GBE1: variants seen among roughly 807,000 people sequenced by gnomAD.
GBE1 encodes the protein 1,4-alpha-glucan branching enzyme 1.
Under a neutral mutation model 88.8 loss-of-function variants are expected in GBE1, and 70 were observed. That is an observed-to-expected ratio of 0.79 (90% CI 0.65 to 0.96). The LOEUF (loss-of-function observed/expected upper bound fraction) is 0.96, where lower values mean the gene tolerates loss of function less well. Among genes scored for constraint, GBE1 ranks in the 40% least tolerant of loss-of-function variants. The pLI is 0.00. For synonymous variants in GBE1, 284 were observed against 300.1 expected, an observed-to-expected ratio of 0.95 and a Z score of 0.56; for missense variants, 872 against 871.0, an observed-to-expected ratio of 1.00 and a Z score of -0.01.
chr3:81,519,280 A>G (rs1702841132), intron 14 of GBE1, among the ~76,000 whole-genome samples: 1 of 151,580 alleles, frequency 6.6e-6, no homozygotes, highest in South Asian at 2.1e-4. Context: ...GGTTTAATGA[A>G]AATATTTCAA....
chr3:81,612,219 TTAAAAA>T, intron 7 of GBE1: 1 of 280,404 alleles, frequency 3.6e-6, no homozygotes, highest in African/African-American at 6.7e-5. Context: ...CCACGCTCCT[TTAAAAA>T]AAAAAAAAAA....
intron 7 of GBE1, among the ~76,000 whole-genome samples, chr3:81,603,008 C>T (rs1244418005): frequency 6.6e-6 from 1 of 152,058 alleles, no homozygotes; most frequent in Non-Finnish European, 1.5e-5. Context: ...CTGGAGAATG[C>T]ATTCCTTTCC....
intron 7 of GBE1, among the ~76,000 whole-genome samples, chr3:81,640,952 A>T (rs1704669515): frequency 6.6e-6 from 1 of 152,148 alleles, no homozygotes; most frequent in Non-Finnish European, 1.5e-5. Context: ...GTATTAAATA[A>T]CAATGTTAAG....
intron 1 of GBE1, among the ~76,000 whole-genome samples, chr3:81,750,270 G>T (rs1347071831): frequency 1.3e-5 from 2 of 151,682 alleles, no homozygotes; most frequent in African/African-American, 4.8e-5. Context: ...CACATCTTAA[G>T]CTTTAAAAAG....
intron 7 of GBE1, among the ~76,000 whole-genome samples, chr3:81,606,049 CTATGGTAAAATAAAAACAAAT>C (rs1704098115): frequency 6.6e-6 from 1 of 152,022 alleles, no homozygotes; most frequent in South Asian, 2.1e-4. Flanking sequence ...CACAGATATT[CTATGGTAAAATAAAAACAAAT>C]ATATTCTGGA....
At chr3:81,538,889 C>T (rs749010718) in intron 12 of GBE1, among the ~76,000 whole-genome samples, 4 of 151,886 alleles carry the variant, frequency 2.6e-5, no homozygotes, top group Admixed American at 1.3e-4. Context: ...CTGGGACAGC[C>T]GTGGATCTCT....
chr3:81,509,411 C>A (rs1003696493), intron 14 of GBE1: 1 of 151,260 alleles, frequency 6.6e-6, no homozygotes, highest in African/African-American at 2.4e-5. Context: ...CTCTCCTGCA[C>A]CTGCCTTGAT....
intron 7 of GBE1, among the ~76,000 whole-genome samples, chr3:81,609,760 A>C (rs1704147755): frequency 6.6e-6 from 1 of 152,124 alleles, no homozygotes; most frequent in African/African-American, 2.4e-5. Context: ...TTCACTGTTA[A>C]TATTGTTGGT....
At chr3:81,679,477 T>G (rs1218228697) in intron 2 of GBE1, among the ~76,000 whole-genome samples, 3 of 152,176 alleles carry the variant, frequency 2.0e-5, no homozygotes, top group Non-Finnish European at 4.4e-5. Flanking sequence ...AAGAATCCAT[T>G]GTATGCAATA....
chr3:81,506,781 A>T lies in GBE1; in HGVS notation c.1935-7554T>A, dbSNP rs563837170. On this transcript the variant is annotated intron_variant, in intron 14 of 15. Transcript: ENST00000429644. The stretch of plus-strand genomic sequence containing the variant: ...ATGTTCTTTGCAGGGACATGAATGG[A>T]GCTGGAGGCCATTATCCTTAGCAAA... 2.6e-5 allele frequency among the ~76,000 whole-genome samples: 4 copies of T among 152,308 alleles called. No homozygotes were observed. The South Asian group carries it at 8.3e-4, about 32-fold the overall frequency.
At chr3:81,634,624 GAGA>G (rs990233504) in intron 7 of GBE1, among the ~76,000 whole-genome samples, 4 of 152,116 alleles carry the variant, frequency 2.6e-5, no homozygotes, top group Admixed American at 2.6e-4. Flanking sequence ...GAAAAAGAGA[GAGA>G]AGGAGAGATC....
At chr3:81,564,588 G>C (rs1383487609) in intron 12 of GBE1, among the ~76,000 whole-genome samples, 2 of 152,062 alleles carry the variant, frequency 1.3e-5, no homozygotes, top group African/African-American at 2.4e-5. Context: ...GTAAATGTGG[G>C]TGGGTAGAAA....
intron 9 of GBE1, among the ~76,000 whole-genome samples, chr3:81,587,733 C>A (rs1430139200): frequency 6.6e-6 from 1 of 152,098 alleles, no homozygotes; most frequent in Non-Finnish European, 1.5e-5. Context: ...TATTCAGTAT[C>A]TGTTGAGTGA....
chr3:81,711,374 G>GGT (rs2107176735), intron 1 of GBE1, among the ~76,000 whole-genome samples: 1 of 152,298 alleles, frequency 6.6e-6, no homozygotes, highest in African/African-American at 2.4e-5. Flanking sequence ...GGGAAAATAG[G>GGT]GTTAAAGGAG....
chr3:81,519,258 G>A (rs1279398923), intron 14 of GBE1, among the ~76,000 whole-genome samples: 1 of 151,524 alleles, frequency 6.6e-6, no homozygotes, highest in East Asian at 1.9e-4. Context: ...TTTAAAAAGT[G>A]CATCTTGCAG....
Position 81,490,341 on chromosome 3 carries a change from G to T in GBE1, c.*66C>A. On this transcript the variant is annotated 3_prime_UTR_variant, in exon 16 of 16. Coordinates refer to ENST00000429644, the MANE Select transcript of GBE1 (RefSeq NM_000158.4). ...CTGAAAAGCATACATGTTATAAGCT[G>T]TGTGACAGTGATAACAAGAAAACAA... 1 of 1,234,452 alleles carries T rather than the reference G, an allele frequency of 8.1e-7. No individual in the cohort carries two copies. The highest frequency in any genetic ancestry group is 1.5e-5 in the African/African-American group (1 of 67,520). The allele number at this position is 1,234,452 out of a possible 1,614,324, so 76.5% of individuals were successfully genotyped here.
At chr3:81,754,049 C>G (rs1037425518) in intron 1 of GBE1, among the ~76,000 whole-genome samples, 3 of 152,044 alleles carry the variant, frequency 2.0e-5, no homozygotes, top group African/African-American at 7.2e-5. Flanking sequence ...TGATTATATA[C>G]CTACAAAAAC....
intron 14 of GBE1, among the ~76,000 whole-genome samples, chr3:81,530,743 C>G (rs1703000571): frequency 6.6e-6 from 1 of 151,968 alleles, no homozygotes; most frequent in Admixed American, 6.6e-5. Flanking sequence ...ATTGCCAACA[C>G]CACTGGGACT....
intron 1 of GBE1, among the ~76,000 whole-genome samples, chr3:81,718,119 A>G (rs1705967053): frequency 6.6e-6 from 1 of 151,892 alleles, no homozygotes; most frequent in Admixed American, 6.6e-5. Context: ...AGCTGGGACT[A>G]CAGGCGTGCG....
Sources: allele counts gnomAD v4.1 joint callset (sites outside exome capture counted in the v4.1 genomes callset), GRCh38; gene constraint gnomAD v4.1.1; transcripts MANE v1.5; gene names NCBI Gene and HGNC (gene_info 2026-07-23, HGNC 2026-07-21).